Variants in SGCZ observed in about 807,000 individuals in gnomAD.
The protein encoded by SGCZ is zeta-sarcoglycan.
SGCZ carries 40 observed loss-of-function variants against 41.3 expected under a neutral mutation model. That is an observed-to-expected ratio of 0.97 (90% CI 0.75 to 1.26). The LOEUF (loss-of-function observed/expected upper bound fraction) is 1.26, where lower values mean the gene tolerates loss of function less well. SGCZ is among the 50% of genes most tolerant of loss of function. SGCZ has a pLI of 0.00. For synonymous variants in SGCZ, 206 were observed against 137.5 expected, an observed-to-expected ratio of 1.50 and a Z score of -3.49; for missense variants, 552 against 369.8, an observed-to-expected ratio of 1.49 and a Z score of -4.04.
At chr8:14,090,802 G>A (rs1318617280) in intron 7 of SGCZ, among the ~76,000 whole-genome samples, 165 bp from the exon 8 acceptor site, 1 of 151,990 alleles carries the variant, frequency 6.6e-6, no homozygotes, top group African/African-American at 2.4e-5. Flanking sequence ...CTACAGTAGA[G>A]TCCAAAATAT....
At chr8:14,812,024 G>C (rs1050185253) in intron 1 of SGCZ, among the ~76,000 whole-genome samples, 1 of 151,960 alleles carries the variant, frequency 6.6e-6, no homozygotes, top group Non-Finnish European at 1.5e-5. Flanking sequence ...TATGGAAAGG[G>C]ATTATAGGGG....
rs934318874 is a variant in SGCZ at position 15,238,335 on chromosome 8, G to A, written c.-712C>T. On this transcript the variant is annotated 5_prime_UTR_variant, in exon 1 of 8. Transcript: ENST00000382080. ...ACGGAGAGAAAAAGAGGGAGAGAAAGAGAGAGGGAGAGAAAAATTTTCCTC... is the reference window on the plus strand; with the variant it reads ...ACGGAGAGAAAAAGAGGGAGAGAAAAAGAGAGGGAGAGAAAAATTTTCCTC... 1.3e-5 allele frequency: 2 copies of A among 152,240 alleles called. No homozygotes were observed. The highest frequency in any genetic ancestry group is 2.4e-5 in the African/African-American group (1 of 41,442). The allele number at this position is 152,240 out of a possible 1,614,324, so 9.4% of individuals were successfully genotyped here.
chr8:15,208,658 T>C (rs557531120), intron 1 of SGCZ, among the ~76,000 whole-genome samples: 3 of 152,140 alleles, frequency 2.0e-5, no homozygotes, highest in Non-Finnish European at 2.9e-5. Context: ...AATGTGTCAG[T>C]TGAGGCATTA....
intron 1 of SGCZ, among the ~76,000 whole-genome samples, chr8:14,722,550 A>G (rs996504039): frequency 4.6e-5 from 7 of 152,092 alleles, no homozygotes; most frequent in Non-Finnish European, 1.0e-4. Context: ...ATATACATAT[A>G]TATTTATTAC....
At chr8:14,300,266 GA>G (rs1185924331) in intron 3 of SGCZ, among the ~76,000 whole-genome samples, 1 of 151,250 alleles carries the variant, frequency 6.6e-6, no homozygotes, top group Non-Finnish European at 1.5e-5. Context: ...AAGGAAAAAA[GA>G]AGGAAGGAAG....
intron 2 of SGCZ, among the ~76,000 whole-genome samples, chr8:14,434,793 G>A (rs1044548807): frequency 1.6e-4 from 24 of 152,114 alleles, no homozygotes; most frequent in African/African-American, 5.8e-4. Flanking sequence ...GCTAGGCACG[G>A]TAACGCATGC....
At chr8:14,174,757 G>A (rs1249059601) in intron 4 of SGCZ, among the ~76,000 whole-genome samples, 1 of 152,102 alleles carries the variant, frequency 6.6e-6, no homozygotes, top group East Asian at 1.9e-4. Flanking sequence ...ACCACAGTCT[G>A]GGTGGCTTAA....
intron 2 of SGCZ, among the ~76,000 whole-genome samples, chr8:14,499,083 T>C (rs899379688): frequency 3.3e-5 from 5 of 152,044 alleles, no homozygotes; most frequent in Non-Finnish European, 7.4e-5. Flanking sequence ...CTTATTATTT[T>C]ATTTTAGTTG....
At chr8:15,140,070 G>A (rs1808265600) in intron 1 of SGCZ, among the ~76,000 whole-genome samples, 1 of 151,992 alleles carries the variant, frequency 6.6e-6, no homozygotes, top group South Asian at 2.1e-4. Context: ...GCCCAGGCTG[G>A]AGTGCACTGA....
At position 15,233,336 on chromosome 8, in the gene SGCZ, A is replaced by T. The variant is rs979468062; in HGVS notation, c.39+4249T>A. 1.3e-4 allele frequency among the ~76,000 whole-genome samples: 20 copies of T among 149,554 alleles called. 1 individual carries two copies. Among genetic ancestry groups the T allele is most frequent in the Admixed American group, 2.0e-4 (3 of 15,086 alleles). Reference sequence around the variant, plus strand: ...CTTATTGATTAAACAAACCAAAAAAAAAAAAAAAAGAAAGAAAGAAAAAAA... The same window carrying T: ...CTTATTGATTAAACAAACCAAAAAATAAAAAAAAAGAAAGAAAGAAAAAAA... On this transcript the variant is annotated intron_variant, in intron 1 of 7. Coordinates refer to ENST00000382080, the MANE Select transcript of SGCZ (RefSeq NM_139167.4).
At chr8:14,155,699 T>TA (rs1318613717) in intron 5 of SGCZ, among the ~76,000 whole-genome samples, 2 of 150,258 alleles carry the variant, frequency 1.3e-5, no homozygotes, top group African/African-American at 4.9e-5. Context: ...ATTATATATG[T>TA]AAAATATATA....
chr8:14,769,384 G>A (rs542221684), intron 1 of SGCZ, among the ~76,000 whole-genome samples: 7 of 152,306 alleles, frequency 4.6e-5, no homozygotes, highest in Admixed American at 4.6e-4. Context: ...ACAGAATAAT[G>A]AGGACAGAAC....
At chr8:14,365,755 T>C (rs764384981) in intron 2 of SGCZ, among the ~76,000 whole-genome samples, 3 of 152,134 alleles carry the variant, frequency 2.0e-5, no homozygotes, top group Non-Finnish European at 4.4e-5. Flanking sequence ...ATTTTGTCCA[T>C]TTTGTTTTTC....
intron 1 of SGCZ, among the ~76,000 whole-genome samples, chr8:14,626,705 A>T (rs949480377): frequency 2.0e-5 from 3 of 152,150 alleles, no homozygotes; most frequent in African/African-American, 4.8e-5. Context: ...CAAGCCAAAA[A>T]ATCAGAAAAA....
chr8:14,548,200 G>A (rs993873310), intron 2 of SGCZ, among the ~76,000 whole-genome samples: 17 of 152,134 alleles, frequency 1.1e-4, no homozygotes, highest in African/African-American at 4.1e-4. Context: ...AGGTAATAGA[G>A]CTAATAAATG....
chr8:14,550,472 T>G, intron 2 of SGCZ, among the ~76,000 whole-genome samples: 1 of 151,942 alleles, frequency 6.6e-6, no homozygotes, highest in African/African-American at 2.4e-5. Context: ...TAAAGTTTGC[T>G]TTTTCTTTTG....
At position 14,944,699 on chromosome 8, in the gene SGCZ, A is replaced by G. The variant is rs1800383700; in HGVS notation, c.39+292886T>C. Among the ~76,000 whole-genome samples the G allele has an allele frequency of 1.3e-5, 2 of 152,192 alleles. 1 individual carries two copies. The highest frequency in any genetic ancestry group is 4.1e-4 in the South Asian group (2 of 4,834). ...TACATGGGCTCTTTAACACAGGGTT[A>G]CATCCTGATAAACCCATTGTAGGCT... On this transcript the variant is annotated intron_variant, in intron 1 of 7. Transcript: ENST00000382080.
At position 14,735,331 on chromosome 8, in the gene SGCZ, G is replaced by C. The variant is rs141738501; in HGVS notation, c.40-180405C>G. Among the ~76,000 whole-genome samples the C allele has an allele frequency of 4.9e-3, 741 of 152,290 alleles. 2 individuals carry two copies. Among genetic ancestry groups the C allele is most frequent in the East Asian group, 0.02 (105 of 5,170 alleles). On this transcript the variant is annotated intron_variant, in intron 1 of 7. Transcript: ENST00000382080. ...GACTAGGAGAAGAAGACCCACTCTC[G>C]ATGTGGGTGGGCACCATCCAATTGG...
intron 1 of SGCZ, among the ~76,000 whole-genome samples, chr8:14,834,459 G>A (rs1213903171): frequency 6.6e-6 from 1 of 152,098 alleles, no homozygotes; most frequent in Admixed American, 6.5e-5. Flanking sequence ...GACTGAATGA[G>A]GTCCCTCCTT....
Sources: gnomAD v4.1 joint callset for allele counts (sites outside exome capture counted in the v4.1 genomes callset) on GRCh38, gnomAD v4.1.1 for gene constraint, MANE v1.5 for transcripts, NCBI Gene and HGNC (gene_info 2026-07-23, HGNC 2026-07-21) for gene names.